The following MNAT1 variants were observed in gnomAD, a reference collection of about 807,000 sequenced individuals.
MNAT1 encodes MNAT1 component of CDK activating kinase.
A neutral mutation model predicts 42.0 loss-of-function variants in MNAT1; 43 were observed. The observed-to-expected ratio is 1.02, with a 90% CI of 0.80 to 1.32. The LOEUF (loss-of-function observed/expected upper bound fraction) is 1.32. Among genes scored for constraint, MNAT1 ranks in the 40% most tolerant of loss-of-function variants. MNAT1 has a pLI of 0.00. For synonymous variants in MNAT1, 118 were observed against 120.0 expected (o/e 0.98, Z 0.11); for missense variants, 306 against 350.4 (o/e 0.87, Z 1.01).
chr14:60,904,485 C>A (rs1360033505), intron 7 of MNAT1, among the ~76,000 whole-genome samples: 2 of 151,970 alleles, frequency 1.3e-5, no homozygotes, highest in African/African-American at 2.4e-5. Context: ...AGTTTTAAAT[C>A]TTTTTTATGC....
At chr14:60,900,512 A>T (rs2035051524) in intron 7 of MNAT1, among the ~76,000 whole-genome samples, 1 of 152,174 alleles carries the variant, frequency 6.6e-6, no homozygotes, top group Admixed American at 6.5e-5. Flanking sequence ...GAAAATTCTA[A>T]AGCTAACAAA....
rs2034097749 is a variant in MNAT1, at chr14:60,861,647, C to G, written c.688-18067C>G. 2.6e-5 allele frequency among the ~76,000 whole-genome samples: 4 copies of G among 152,150 alleles called. No individual in the cohort carries two copies. The South Asian group carries it at 8.3e-4, about 32-fold the overall frequency. On this transcript the variant is annotated intron_variant, in intron 6 of 7. Coordinates refer to ENST00000261245, the MANE Select transcript of MNAT1 (RefSeq NM_002431.4). The stretch of plus-strand genomic sequence containing the variant: ...ATGAAAAAATTAGAAGAATTTCGAG[C>G]AAGAAAATATTCACCTGAATCAACA...
At chr14:60,753,142 C>T (rs768460914) in intron 1 of MNAT1, among the ~76,000 whole-genome samples, 1 of 152,192 alleles carries the variant, frequency 6.6e-6, no homozygotes, top group African/African-American at 2.4e-5. Flanking sequence ...TATTTTCTCA[C>T]GGTTCTTGTG....
At chr14:60,739,711 A>G (rs1013705581) in intron 1 of MNAT1, among the ~76,000 whole-genome samples, 35 of 152,190 alleles carry the variant, frequency 2.3e-4, no homozygotes, top group African/African-American at 8.4e-4. Flanking sequence ...TTTTCTGTTC[A>G]AGGATGAACA....
chr14:60,959,343 G>T (rs1186643296), intron 7 of MNAT1, among the ~76,000 whole-genome samples: 1 of 152,186 alleles, frequency 6.6e-6, no homozygotes, highest in Non-Finnish European at 1.5e-5. Flanking sequence ...GGCCACTAAG[G>T]ATAATAATGA....
intron 1 of MNAT1, among the ~76,000 whole-genome samples, chr14:60,756,142 G>T (rs921653328): frequency 2.6e-5 from 4 of 152,160 alleles, no homozygotes; most frequent in Non-Finnish European, 5.9e-5. Flanking sequence ...TGGACTATGG[G>T]ATAAGAAAGA....
At chr14:60,944,341 T>C (rs907390001) in intron 7 of MNAT1, among the ~76,000 whole-genome samples, 48 of 152,128 alleles carry the variant, frequency 3.2e-4, no homozygotes, top group Admixed American at 1.3e-4. Context: ...TATGAATTCA[T>C]GAGGGTGGAG....
rs371516066 is a variant in MNAT1 at position 60,915,371 on chromosome 14, A to G, written c.809+35536A>G. Among the ~76,000 whole-genome samples the G allele has an allele frequency of 1.1e-4, 17 of 152,208 alleles. No homozygotes were observed. The East Asian group carries it at 2.3e-3, about 21-fold the overall frequency. On this transcript the variant is annotated intron_variant, in intron 7 of 7. Transcript: ENST00000261245. Reference sequence around the variant, plus strand: ...TTGAAAATTGAGTCATCTTCCCTATATTCATGGTGAATATGAAAATCTTAT... The same window carrying G: ...TTGAAAATTGAGTCATCTTCCCTATGTTCATGGTGAATATGAAAATCTTAT...
chr14:60,807,583 T>C (rs551708563), intron 3 of MNAT1, among the ~76,000 whole-genome samples: 29 of 152,298 alleles, frequency 1.9e-4, no homozygotes, highest in Admixed American at 6.5e-4. Context: ...TTTTAATTGT[T>C]CAGAGTATTA....
intron 7 of MNAT1, among the ~76,000 whole-genome samples, chr14:60,910,216 G>C (rs143927741): frequency 6.6e-6 from 1 of 151,944 alleles, no homozygotes; most frequent in East Asian, 1.9e-4. Flanking sequence ...AGCTTAAGGA[G>C]ATTTTGGGCC....
intron 7 of MNAT1, among the ~76,000 whole-genome samples, chr14:60,922,466 G>A (rs376963551): frequency 2.6e-5 from 4 of 152,182 alleles, no homozygotes; most frequent in African/African-American, 7.2e-5. Flanking sequence ...AATTGATTTG[G>A]AACAATAAAA....
chr14:60,781,475 AT>A (rs1407891002), intron 1 of MNAT1, among the ~76,000 whole-genome samples: 1 of 152,084 alleles, frequency 6.6e-6, no homozygotes, highest in African/African-American at 2.4e-5. Flanking sequence ...AAAGTTTTAA[AT>A]TTAAAATTGT....
chr14:60,840,957 A>T (rs1476053241), intron 6 of MNAT1, among the ~76,000 whole-genome samples: 1 of 152,068 alleles, frequency 6.6e-6, no homozygotes, highest in African/African-American at 2.4e-5. Context: ...GAGCCACCGC[A>T]CTTGGCCCAG....
chr14:60,943,049 T>C lies in MNAT1; in HGVS notation c.810-25180T>C, dbSNP rs866558620. 3.1e-3 allele frequency among the ~76,000 whole-genome samples: 209 copies of C among 68,342 alleles called. 8 individuals are homozygous for C. Among genetic ancestry groups the C allele is most frequent in the Middle Eastern group, 7.2e-3 (1 of 138 alleles). 44.8% of individuals were successfully genotyped at this position (68,342 alleles called of 152,430 possible). On this transcript the variant is annotated intron_variant, in intron 7 of 7. Transcript: ENST00000261245. Reference sequence around the variant, plus strand: ...GTGTGTGTGTGTGTGTGTGTGTGTGTGCGCTTTTTTTTTTTTTTTTTTGAG... The same window carrying C: ...GTGTGTGTGTGTGTGTGTGTGTGTGCGCGCTTTTTTTTTTTTTTTTTTGAG...
chr14:60,874,666 A>C (rs964955490), intron 6 of MNAT1, among the ~76,000 whole-genome samples: 5 of 152,166 alleles, frequency 3.3e-5, no homozygotes, highest in African/African-American at 1.2e-4. Context: ...ATTTAATTCA[A>C]ATATAACTTA....
chr14:60,812,525 C>T (rs2032585060), intron 5 of MNAT1, among the ~76,000 whole-genome samples: 1 of 152,242 alleles, frequency 6.6e-6, no homozygotes, highest in Non-Finnish European at 1.5e-5. Context: ...GAAAGCCAAG[C>T]TACAAGTTAA....
At chr14:60,822,570 C>T (rs951156225) in intron 6 of MNAT1, among the ~76,000 whole-genome samples, 4 of 151,364 alleles carry the variant, frequency 2.6e-5, no homozygotes, top group African/African-American at 9.7e-5. Flanking sequence ...GGTTTACAGG[C>T]TCACACCACC....
At chr14:60,912,769 C>T (rs945788785) in intron 7 of MNAT1, among the ~76,000 whole-genome samples, 1 of 152,184 alleles carries the variant, frequency 6.6e-6, no homozygotes, top group East Asian at 1.9e-4. Flanking sequence ...CTTTTTCCTT[C>T]ATTTCAACTT....
chr14:60,742,516 T>G (rs1896504313), intron 1 of MNAT1, among the ~76,000 whole-genome samples: 1 of 152,238 alleles, frequency 6.6e-6, no homozygotes, highest in Non-Finnish European at 1.5e-5. Context: ...TTTAAAAAAC[T>G]ACTTCACTGA....
Sources: gnomAD v4.1 joint callset for allele counts (sites outside exome capture counted in the v4.1 genomes callset) on GRCh38, gnomAD v4.1.1 for gene constraint, MANE v1.5 for transcripts, NCBI Gene and HGNC (gene_info 2026-07-23, HGNC 2026-07-21) for gene names.